The following NBAS variants were observed in gnomAD, a reference collection of about 807,000 sequenced individuals.
The protein encoded by NBAS is NAG/BC035112 fusion.
In NBAS, 219 loss-of-function variants were observed where a neutral mutation model predicts 302.5. That is an observed-to-expected ratio of 0.72 (90% CI 0.65 to 0.81). The LOEUF (loss-of-function observed/expected upper bound fraction) is 0.81, where lower values mean the gene tolerates loss of function less well. Among genes scored for constraint, NBAS ranks in the 30% least tolerant of loss-of-function variants. The pLI, the probability that NBAS is intolerant of heterozygous loss-of-function variation, is 0.00. For synonymous variants in NBAS, 1,118 were observed against 1,021.6 expected, an observed-to-expected ratio of 1.09 and a Z score of -1.80; for missense variants, 2,932 against 2,841.6, an observed-to-expected ratio of 1.03 and a Z score of -0.72.
the NBAS span, among the ~76,000 whole-genome samples, chr2:15,036,708 T>C: frequency 6.6e-6 from 1 of 152,152 alleles, no homozygotes; most frequent in East Asian, 1.9e-4. Flanking sequence ...TTGGCCAAGC[T>C]TTCTCCCCCA....
At chr2:15,209,001 A>G (rs927661284) in intron 48 of NBAS, among the ~76,000 whole-genome samples, 2 of 152,184 alleles carry the variant, frequency 1.3e-5, no homozygotes, top group African/African-American at 4.8e-5. Context: ...AAAGATCACT[A>G]AAACAAATCA....
chr2:15,056,101 T>A, the NBAS span, among the ~76,000 whole-genome samples: 16 of 147,504 alleles, frequency 1.1e-4, no homozygotes, highest in Non-Finnish European at 2.2e-4. Context: ...CTCCTGGAAG[T>A]AAAAAAAAAA....
intron 25 of NBAS, among the ~76,000 whole-genome samples, chr2:15,404,836 A>T (rs1278943280): frequency 6.6e-6 from 1 of 152,018 alleles, no homozygotes; most frequent in East Asian, 1.9e-4. Flanking sequence ...TTTACATTCA[A>T]TGTCCTTGAG....
At chr2:15,410,682 T>C (rs1335802959) in intron 25 of NBAS, among the ~76,000 whole-genome samples, 1 of 152,212 alleles carries the variant, frequency 6.6e-6, no homozygotes, top group Non-Finnish European at 1.5e-5. Flanking sequence ...TTTGCTACTC[T>C]CAAAAAATTA....
intron 15 of NBAS, 128 bp downstream of exon 15, chr2:15,473,939 T>C: frequency 8.8e-7 from 1 of 1,130,450 alleles, no homozygotes; most frequent in South Asian, 1.4e-5. Flanking sequence ...ATAGAACTGA[T>C]ATTTTTAACA....
chr2:15,204,121 C>T (rs1466066436), intron 48 of NBAS, among the ~76,000 whole-genome samples: 2 of 151,830 alleles, frequency 1.3e-5, no homozygotes, highest in Non-Finnish European at 2.9e-5. Context: ...GTTAGCCGGG[C>T]ATAGTGGTGC....
chr2:15,006,195 A>G, the NBAS span, among the ~76,000 whole-genome samples: 2 of 152,236 alleles, frequency 1.3e-5, no homozygotes, highest in African/African-American at 4.8e-5. Flanking sequence ...TATAATAGAA[A>G]AAAAATCACA....
the NBAS span, among the ~76,000 whole-genome samples, chr2:14,926,989 A>G: frequency 6.6e-6 from 1 of 152,234 alleles, no homozygotes; most frequent in Non-Finnish European, 1.5e-5. Flanking sequence ...TGAGGAAAGC[A>G]GATTGTCCTT....
At chr2:14,913,324 A>G in the NBAS span, among the ~76,000 whole-genome samples, 1 of 152,186 alleles carries the variant, frequency 6.6e-6, no homozygotes, top group Non-Finnish European at 1.5e-5. Flanking sequence ...CCACTGAGAG[A>G]TAATCAGGAG....
At chr2:15,352,871 C>T (rs1400133217) in intron 34 of NBAS, among the ~76,000 whole-genome samples, 3 of 152,056 alleles carry the variant, frequency 2.0e-5, no homozygotes, top group East Asian at 1.9e-4. Context: ...AACTGTCTTT[C>T]CCTGGTGCTG....
chr2:15,018,318 G>C, the NBAS span, among the ~76,000 whole-genome samples: 1 of 152,010 alleles, frequency 6.6e-6, no homozygotes, highest in Admixed American at 6.6e-5. Flanking sequence ...ACAAAGAAAT[G>C]ATAAATGTTT....
the NBAS span, among the ~76,000 whole-genome samples, chr2:15,037,131 C>T: frequency 1.3e-5 from 2 of 152,196 alleles, no homozygotes; most frequent in Admixed American, 6.5e-5. Context: ...AGCAGAACTT[C>T]GTACTTTGTC....
At chr2:14,940,686 C>A in the NBAS span, among the ~76,000 whole-genome samples, 1 of 152,296 alleles carries the variant, frequency 6.6e-6, no homozygotes, top group Middle Eastern at 3.4e-3. Context: ...CACTACCTCC[C>A]AGAAATGGGG....
At chr2:15,285,181 T>C (rs1016909920) in intron 42 of NBAS, among the ~76,000 whole-genome samples, 1 of 152,236 alleles carries the variant, frequency 6.6e-6, no homozygotes, top group African/African-American at 2.4e-5. Flanking sequence ...CTATCTTCCA[T>C]GTAGCAATTT....
chr2:14,898,759 T>C, the NBAS span, among the ~76,000 whole-genome samples: 51,778 of 152,110 alleles, frequency 0.34, 10,233 homozygotes, highest in African/African-American at 0.55. Context: ...ACCATGATTA[T>C]GAGGCTTCCC....
At chr2:15,354,216 A>T (rs1368559974) in intron 33 of NBAS, among the ~76,000 whole-genome samples, 1 of 152,228 alleles carries the variant, frequency 6.6e-6, no homozygotes, top group African/African-American at 2.4e-5. Flanking sequence ...AGAAAAAGAG[A>T]TATTATGATA....
intron 44 of NBAS, among the ~76,000 whole-genome samples, chr2:15,257,498 T>A (rs1668656196): frequency 6.6e-6 from 1 of 151,572 alleles, no homozygotes. Context: ...ATTCGAGAGA[T>A]TCTCCTGCCT....
the NBAS span, among the ~76,000 whole-genome samples, chr2:15,035,644 GA>G: frequency 6.6e-6 from 1 of 152,190 alleles, no homozygotes; most frequent in African/African-American, 2.4e-5. Context: ...ATATATCATG[GA>G]ATACTATGCA....
intron 12 of NBAS, among the ~76,000 whole-genome samples, 157 bp from the exon 13 acceptor site, chr2:15,478,446 A>G (rs1680283330): frequency 6.6e-6 from 1 of 152,212 alleles, no homozygotes. Context: ...GATAGTCTGG[A>G]AAAGCAATTG....
Sources: allele counts gnomAD v4.1 joint callset (sites outside exome capture counted in the v4.1 genomes callset), GRCh38; gene constraint gnomAD v4.1.1; transcripts MANE v1.5; gene names NCBI Gene and HGNC (gene_info 2026-07-23, HGNC 2026-07-21).